HIPK3: variants seen among roughly 807,000 people sequenced by gnomAD.
HIPK3 encodes the protein homeodomain-interacting protein kinase 3.
HIPK3 carries 47 observed loss-of-function variants against 124.2 expected under a neutral mutation model. That is an observed-to-expected ratio of 0.38 (90% CI 0.30 to 0.48). The LOEUF is 0.48. Among genes scored for constraint, HIPK3 ranks in the 20% least tolerant of loss-of-function variants. The pLI is 0.98. For synonymous variants in HIPK3, 482 were observed against 515.2 expected (o/e 0.94, Z 0.87); for missense variants, 1,286 against 1,454.3 (o/e 0.88, Z 1.88).
intron 13 of HIPK3, 58 bp from the exon 14 acceptor site, chr11:33,349,089 T>C (rs1853582734): frequency 6.6e-7 from 1 of 1,520,638 alleles, no homozygotes; most frequent in African/African-American, 1.4e-5. Flanking sequence ...AAATTTTGGC[T>C]ATTTGGAGAG....
intron 13 of HIPK3, 50 bp downstream of exon 13, chr11:33,348,868 TG>T: frequency 6.5e-7 from 1 of 1,526,942 alleles, no homozygotes; most frequent in Non-Finnish European, 8.9e-7. Flanking sequence ...CATCCTTTGG[TG>T]TGCCGAAAAA....
At chr11:33,319,402 A>G (rs960642432) in intron 2 of HIPK3, among the ~76,000 whole-genome samples, 12 of 152,072 alleles carry the variant, frequency 7.9e-5, no homozygotes, top group African/African-American at 2.7e-4. Flanking sequence ...AGGCTGAGGC[A>G]GGAGAATTGC....
chr11:33,335,883 C>G (rs1219358778), intron 3 of HIPK3: 1 of 151,982 alleles, frequency 6.6e-6, no homozygotes, highest in Non-Finnish European at 1.5e-5. Flanking sequence ...TTTGCTAAGC[C>G]CCTGTTTATC....
chr11:33,352,427 T>G (rs1449759463), intron 16 of HIPK3, among the ~76,000 whole-genome samples, 162 bp downstream of exon 16: 1 of 152,228 alleles, frequency 6.6e-6, no homozygotes, highest in Non-Finnish European at 1.5e-5. Context: ...AATAGGATAA[T>G]TAAGCAAATT....
At chr11:33,352,958 T>C in intron 16 of HIPK3, 134 bp from the exon 17 acceptor site, 1 of 580,144 alleles carries the variant, frequency 1.7e-6, no homozygotes, top group Admixed American at 3.3e-5. Context: ...TAGTTATTCT[T>C]AGTATAAGTT....
rs766361235 is a variant in HIPK3 at position 33,260,905 on chromosome 11, TG to T, written c.-3+3018del. ...GACTCCCAATGTAGTATGTTTAACTTGGAAGTTACTTCTGAAGACAAACTAC... is the reference window on the plus strand; with the variant it reads ...GACTCCCAATGTAGTATGTTTAACTTGAAGTTACTTCTGAAGACAAACTAC... On this transcript the variant is annotated intron_variant, in intron 1 of 16. Coordinates refer to ENST00000303296, the MANE Select transcript of HIPK3 (RefSeq NM_005734.5). 7.4e-4 allele frequency among the ~76,000 whole-genome samples: 113 copies of T among 152,188 alleles called. 2 individuals carry two copies. In the Middle Eastern group the frequency reaches 0.014, roughly 18 times the overall value.
chr11:33,301,629 A>G (rs1212416868), intron 2 of HIPK3, among the ~76,000 whole-genome samples: 1 of 151,742 alleles, frequency 6.6e-6, no homozygotes, highest in Non-Finnish European at 1.5e-5. Context: ...TAAAAAAAAA[A>G]AAAAAAAACT....
chr11:33,301,716 G>T (rs965371205), intron 2 of HIPK3, among the ~76,000 whole-genome samples: 9 of 151,662 alleles, frequency 5.9e-5, no homozygotes, highest in African/African-American at 2.2e-4. Flanking sequence ...CAGCTATCTG[G>T]GATGCTGAGG....
chr11:33,257,464 C>T lies in HIPK3; in HGVS notation c.-428C>T. 2 of 985,824 alleles carry T rather than the reference C, an allele frequency of 2.0e-6. No individual in the cohort carries two copies. Among genetic ancestry groups the T allele is most frequent in the Non-Finnish European group, 2.4e-6 (2 of 830,322 alleles). 61.1% of individuals were successfully genotyped at this position (985,824 alleles called of 1,614,324 possible). A position where few individuals can be genotyped will look rare whatever the true frequency, so the allele number is the denominator to read the frequency against. ...GCAGGCCCCGCCGTCGCCACCACTCCCGCCAGTCTTCCTTCTCCGCTCCCG... is the reference window on the plus strand; with the variant it reads ...GCAGGCCCCGCCGTCGCCACCACTCTCGCCAGTCTTCCTTCTCCGCTCCCG... On this transcript the variant is annotated 5_prime_UTR_variant, in exon 1 of 17. Coordinates refer to ENST00000303296, the MANE Select transcript of HIPK3 (RefSeq NM_005734.5).
intron 8 of HIPK3, among the ~76,000 whole-genome samples, chr11:33,344,627 G>T (rs1853439649): frequency 6.6e-6 from 1 of 152,174 alleles, no homozygotes; most frequent in African/African-American, 2.4e-5. Context: ...CGAAGGAAAA[G>T]AATTACTGTC....
At position 33,341,568 on chromosome 11, in the gene HIPK3, G is replaced by A. The variant is rs745327494; in HGVS notation, c.1779G>A (p.Leu593=). 6.2e-7 allele frequency: 1 copy of A among 1,609,510 alleles called. No individual in the cohort carries two copies. Among genetic ancestry groups the A allele is most frequent in the Non-Finnish European group, 8.5e-7 (1 of 1,178,108 alleles). Residue 593 remains leucine, a synonymous_variant, in exon 8 of 17, where the codon TTG becomes TTA. Coordinates refer to ENST00000303296, the MANE Select transcript of HIPK3 (RefSeq NM_005734.5). The part of the protein sequence containing the change: ...TKIGTLRSQA[L]TTSAHSVVHH... ...TAATGTGCTCGTTGTTTCAGGCATT[G>A]ACCACATCTGCTCATTCAGTTGTGC...
intron 1 of HIPK3, among the ~76,000 whole-genome samples, chr11:33,280,130 T>A (rs1011325980): frequency 3.9e-5 from 6 of 152,184 alleles, no homozygotes; most frequent in Non-Finnish European, 7.3e-5. Context: ...ATAGGAGTCT[T>A]CACTATCCTC....
At chr11:33,302,427 C>T (rs967278172) in intron 2 of HIPK3, among the ~76,000 whole-genome samples, 3 of 148,202 alleles carry the variant, frequency 2.0e-5, no homozygotes, top group East Asian at 2.0e-4. Flanking sequence ...ACCTTCGCCT[C>T]CCTGGTTCAA....
At chr11:33,306,869 C>T (rs1852175651) in intron 2 of HIPK3, among the ~76,000 whole-genome samples, 1 of 151,816 alleles carries the variant, frequency 6.6e-6, no homozygotes, top group East Asian at 1.9e-4. Flanking sequence ...GTATTATGTG[C>T]TGCTGTTGCT....
At chr11:33,258,443 A>C in intron 1 of HIPK3, 1 of 985,308 alleles carries the variant, frequency 1.0e-6, no homozygotes, top group Non-Finnish European at 1.2e-6. Context: ...GCGGGTTTGC[A>C]GGGTGTCAAC....
intron 1 of HIPK3, 105 bp from the exon 2 acceptor site, chr11:33,286,308 C>A: frequency 2.0e-6 from 2 of 1,010,462 alleles, no homozygotes; most frequent in South Asian, 2.2e-5. Context: ...TGAATTTGAC[C>A]CTTAAGAGTT....
intron 8 of HIPK3, among the ~76,000 whole-genome samples, chr11:33,344,537 G>A (rs1181449425): frequency 2.0e-5 from 3 of 152,004 alleles, no homozygotes; most frequent in Non-Finnish European, 4.4e-5. Flanking sequence ...CTTTTTATAT[G>A]GCTTATAATT....
intron 14 of HIPK3, 139 bp downstream of exon 14, chr11:33,349,426 T>C (rs1853593615): frequency 4.4e-6 from 3 of 679,800 alleles, no homozygotes; most frequent in Admixed American, 5.6e-5. Flanking sequence ...ACTAGATCAG[T>C]TTTTATAAAC....
At chr11:33,270,676 C>G (rs564193043) in intron 1 of HIPK3, among the ~76,000 whole-genome samples, 14 of 152,164 alleles carry the variant, frequency 9.2e-5, no homozygotes, top group Admixed American at 7.9e-4. Context: ...TGATTAGAGT[C>G]TGGGTGTGGT....
Sources: allele counts gnomAD v4.1 joint callset (sites outside exome capture counted in the v4.1 genomes callset), GRCh38; gene constraint gnomAD v4.1.1; transcripts MANE v1.5; gene names NCBI Gene and HGNC (gene_info 2026-07-23, HGNC 2026-07-21).